The following IFT74 variants were observed in gnomAD, a reference collection of about 807,000 sequenced individuals.
IFT74 encodes the protein intraflagellar transport protein 74 homolog.
A neutral mutation model predicts 96.7 loss-of-function variants in IFT74; 92 were observed. The observed-to-expected ratio is 0.95, with a 90% confidence interval of 0.80 to 1.13. IFT74 has a LOEUF of 1.13. Among genes scored for constraint, IFT74 ranks in the 50% most tolerant of loss-of-function variants. The probability of loss-of-function intolerance (pLI) is 0.00; values close to 1 mark genes in which losing one functional copy is unlikely to be tolerated. For synonymous variants in IFT74, 223 were observed against 213.2 expected, an observed-to-expected ratio of 1.05 and a Z score of -0.40; for missense variants, 811 against 698.2, an observed-to-expected ratio of 1.16 and a Z score of -1.82.
intron 2 of IFT74, among the ~76,000 whole-genome samples, chr9:26,962,626 C>T (rs1420236506): frequency 6.6e-6 from 1 of 152,046 alleles, no homozygotes; most frequent in East Asian, 1.9e-4. Context: ...ATTTTTAATC[C>T]TCTCTTATAC....
At chr9:27,010,211 G>A (rs1277953044) in intron 9 of IFT74, among the ~76,000 whole-genome samples, 1 of 151,572 alleles carries the variant, frequency 6.6e-6, no homozygotes, top group Non-Finnish European at 1.5e-5. Context: ...GGATGGTCTT[G>A]ATCGCCTGAC....
chr9:26,996,328 T>A (rs753482049), intron 8 of IFT74: 1 of 1,593,794 alleles, frequency 6.3e-7, no homozygotes, highest in East Asian at 2.2e-5. Context: ...TCTTGTTAAG[T>A]TGTTCGAAGA....
At chr9:27,017,092 G>C in intron 11 of IFT74, 42 bp downstream of exon 11, 1 of 1,553,208 alleles carries the variant, frequency 6.4e-7, no homozygotes, top group Non-Finnish European at 8.7e-7. Context: ...GTCTGGTTTT[G>C]GTACATGTAT....
intron 13 of IFT74, among the ~76,000 whole-genome samples, chr9:27,038,985 C>T (rs761874366): frequency 3.1e-4 from 47 of 152,276 alleles, no homozygotes; most frequent in African/African-American, 1.1e-3. Flanking sequence ...CGACCTTAAA[C>T]GCTTGAAGAT....
chr9:26,999,415 A>G (rs1416457228), intron 8 of IFT74, among the ~76,000 whole-genome samples: 1 of 152,140 alleles, frequency 6.6e-6, no homozygotes, highest in African/African-American at 2.4e-5. Context: ...TCTCCCTTTA[A>G]TCAACTTTTA....
chr9:26,988,793 A>G, intron 7 of IFT74, 65 bp downstream of exon 7: 2 of 1,333,338 alleles, frequency 1.5e-6, no homozygotes, highest in Admixed American at 2.7e-5. Context: ...AAGCATTTAT[A>G]TCTAGAAATA....
chr9:27,044,108 C>CCA (rs1379265113), intron 13 of IFT74, among the ~76,000 whole-genome samples: 1 of 152,202 alleles, frequency 6.6e-6, no homozygotes, highest in African/African-American at 2.4e-5. Flanking sequence ...CTCGGCCATA[C>CCA]CACTCCCTCA....
At chr9:26,993,384 T>C (rs1354387689) in intron 8 of IFT74, 2 of 152,442 alleles carry the variant, frequency 1.3e-5, no homozygotes, top group Non-Finnish European at 2.9e-5. Context: ...AAACAAAGTA[T>C]AATTGATATA....
intron 13 of IFT74, among the ~76,000 whole-genome samples, chr9:27,044,012 G>C (rs1359184765): frequency 6.6e-6 from 1 of 152,186 alleles, no homozygotes; most frequent in Non-Finnish European, 1.5e-5. Context: ...GTCCTTAGGA[G>C]AAAGTCCAAA....
intron 2 of IFT74, among the ~76,000 whole-genome samples, chr9:26,965,089 C>T (rs1239495337): frequency 6.6e-6 from 1 of 151,960 alleles, no homozygotes; most frequent in East Asian, 1.9e-4. Flanking sequence ...CCTATAAAGG[C>T]TGTTAGATAG....
At chr9:26,998,319 T>G in intron 8 of IFT74, 4 of 869,200 alleles carry the variant, frequency 4.6e-6, no homozygotes, top group Non-Finnish European at 6.6e-6. Context: ...ATTTAAGCAC[T>G]TAGACATTAG....
intron 13 of IFT74, among the ~76,000 whole-genome samples, chr9:27,037,999 G>A (rs774060758): frequency 2.6e-5 from 4 of 152,190 alleles, no homozygotes; most frequent in Non-Finnish European, 5.9e-5. Context: ...TTTGATCGAG[G>A]CATCAGCAAG....
At chr9:26,970,965 A>G (rs562745420) in intron 2 of IFT74, among the ~76,000 whole-genome samples, 28 of 152,326 alleles carry the variant, frequency 1.8e-4, no homozygotes, top group African/African-American at 6.7e-4. Context: ...GGTGGATGCC[A>G]AGGGATATGG....
At position 26,999,681 on chromosome 9, in the gene IFT74, C is replaced by G. The variant is rs1048958391; in HGVS notation, c.588-9339C>G. 14 of 1,607,662 alleles carry G rather than the reference C, an allele frequency of 8.7e-6. No individual in the cohort carries two copies. The highest frequency in any genetic ancestry group is 1.2e-5 in the Non-Finnish European group (14 of 1,177,150). ...GAGGGGCCAAAAGAGGATTGTGATGCCTGTGACTTTCATGTTGCAGACCTG... is the reference window on the plus strand; with the variant it reads ...GAGGGGCCAAAAGAGGATTGTGATGGCTGTGACTTTCATGTTGCAGACCTG... On this transcript the variant is annotated intron_variant, in intron 8 of 19. Transcript: ENST00000380062.
At chr9:27,046,270 T>A (rs1819699667) in intron 14 of IFT74, among the ~76,000 whole-genome samples, 1 of 152,294 alleles carries the variant, frequency 6.6e-6, no homozygotes, top group East Asian at 1.9e-4. Context: ...ATAAAAAATG[T>A]TGATTGTGGT....
intron 16 of IFT74, among the ~76,000 whole-genome samples, chr9:27,052,075 T>A (rs189366544): frequency 6.6e-6 from 1 of 152,232 alleles, no homozygotes; most frequent in Admixed American, 6.5e-5. Context: ...TTTTCCCCCT[T>A]TAAGCTATCT....
At position 27,012,853 on chromosome 9, in the gene IFT74, A is replaced by G. The variant is rs1023650828; in HGVS notation, c.789+885A>G. ...TGCCTCAGCCTCCAGAGTAGCTGGG[A>G]CTACAGGCACCCGCCACCACACCCA... is the stretch of plus-strand genomic sequence containing the variant. On this transcript the variant is annotated intron_variant, in intron 10 of 19. Transcript: ENST00000380062. 2.0e-5 allele frequency among the ~76,000 whole-genome samples: 3 copies of G among 151,162 alleles called. No homozygotes were observed. In the East Asian group the frequency reaches 5.9e-4, roughly 30 times the overall value.
At chr9:26,998,908 C>T (rs1411132848) in intron 8 of IFT74, among the ~76,000 whole-genome samples, 3 of 152,032 alleles carry the variant, frequency 2.0e-5, no homozygotes, top group Non-Finnish European at 2.9e-5. Flanking sequence ...GCAGGATAAT[C>T]GCTTCAACCC....
In IFT74 at chr9:27,060,626, G is replaced by C. The variant is rs1436313865; in HGVS notation, c.1659G>C (p.Glu553Asp). ...TNLERKWQHL[E>D]QNNFAMKEFI... is the part of the protein sequence containing the mutation. ...TGGAGAGAAAGTGGCAACACCTTGA[G>C]CAAAATAATTTTGCGATGAAAGAAT... Residue 553 changes from glutamate to aspartate, a missense_variant, in exon 19 of 20, where the codon GAG becomes GAC. Coordinates refer to ENST00000380062, the MANE Select transcript of IFT74 (RefSeq NM_025103.4). 6.3e-7 allele frequency: 1 copy of C among 1,599,226 alleles called. No homozygotes were observed. The highest frequency in any genetic ancestry group is 2.3e-5 in the East Asian group (1 of 44,310).
Sources: allele counts gnomAD v4.1 joint callset (sites outside exome capture counted in the v4.1 genomes callset), GRCh38; gene constraint gnomAD v4.1.1; transcripts MANE v1.5; gene names NCBI Gene and HGNC (gene_info 2026-07-23, HGNC 2026-07-21).